Variants in ELOVL5 observed in about 807,000 individuals in gnomAD.
ELOVL5 encodes the protein ELOVL fatty acid elongase 5.
A neutral mutation model predicts 38.6 loss-of-function variants in ELOVL5; 8 were observed. That is an observed-to-expected ratio of 0.21 (90% CI 0.12 to 0.37). The LOEUF (loss-of-function observed/expected upper bound fraction) is 0.37. Ranked by LOEUF, ELOVL5 falls within the 10% of genes least tolerant of loss-of-function variation. The probability of loss-of-function intolerance (pLI) is 1.00; values close to 1 mark genes in which losing one functional copy is unlikely to be tolerated. For synonymous variants in ELOVL5, 127 were observed against 133.7 expected, an observed-to-expected ratio of 0.95 and a Z score of 0.34; for missense variants, 280 against 367.8, an observed-to-expected ratio of 0.76 and a Z score of 1.95.
chr6:53,332,214 A>T (rs146250385), intron 1 of ELOVL5, among the ~76,000 whole-genome samples: 7 of 152,206 alleles, frequency 4.6e-5, no homozygotes, highest in African/African-American at 1.7e-4. Flanking sequence ...ACTCTGTGAA[A>T]TAAGTTGTTA....
chr6:53,269,864 C>T (rs1392307105), intron 7 of ELOVL5, among the ~76,000 whole-genome samples: 1 of 152,208 alleles, frequency 6.6e-6, no homozygotes, highest in East Asian at 1.9e-4. Flanking sequence ...ATGCCACACA[C>T]AGGTGCTTGT....
intron 1 of ELOVL5, among the ~76,000 whole-genome samples, chr6:53,299,408 T>C (rs900392165): frequency 2.0e-5 from 3 of 152,058 alleles, no homozygotes; most frequent in Non-Finnish European, 4.4e-5. Context: ...AAAATACAGA[T>C]TGGTGGGGCA....
chr6:53,305,964 T>G (rs1244670916), intron 1 of ELOVL5, among the ~76,000 whole-genome samples: 1 of 151,570 alleles, frequency 6.6e-6, no homozygotes, highest in East Asian at 2.0e-4. Context: ...CACCTCGGGA[T>G]GCCGAGGCTG....
At chr6:53,314,592 C>G (rs1338710084) in intron 1 of ELOVL5, among the ~76,000 whole-genome samples, 1 of 152,174 alleles carries the variant, frequency 6.6e-6, no homozygotes, top group Non-Finnish European at 1.5e-5. Context: ...GTGGTAGGGA[C>G]AGAGAACCTG....
intron 1 of ELOVL5, among the ~76,000 whole-genome samples, chr6:53,323,913 C>A (rs1768402097): frequency 6.6e-6 from 1 of 152,150 alleles, no homozygotes; most frequent in Non-Finnish European, 1.5e-5. Flanking sequence ...AAGTAACAAG[C>A]TTTTCCCATA....
At chr6:53,298,900 C>T (rs887196730) in intron 1 of ELOVL5, among the ~76,000 whole-genome samples, 5 of 79,404 alleles carry the variant, frequency 6.3e-5, no homozygotes, top group Admixed American at 1.5e-4. Flanking sequence ...GGGGGCAAGG[C>T]GGGGGGGGGG....
intron 2 of ELOVL5, among the ~76,000 whole-genome samples, chr6:53,293,518 A>G (rs949117896): frequency 6.6e-6 from 1 of 152,054 alleles, no homozygotes; most frequent in Admixed American, 6.5e-5. Flanking sequence ...AGGTTTCACC[A>G]TATTGGTCAG....
At chr6:53,298,919 A>G (rs1251143515) in intron 1 of ELOVL5, among the ~76,000 whole-genome samples, 1 of 151,106 alleles carries the variant, frequency 6.6e-6, no homozygotes, top group Non-Finnish European at 1.5e-5. Context: ...GGAGTTGATA[A>G]TATATCAGGA....
chr6:53,282,401 C>G (rs1766394869), intron 3 of ELOVL5, among the ~76,000 whole-genome samples: 1 of 152,218 alleles, frequency 6.6e-6, no homozygotes, highest in Non-Finnish European at 1.5e-5. Flanking sequence ...AGGCCTGGCT[C>G]TGGACAAGCC....
intron 1 of ELOVL5, among the ~76,000 whole-genome samples, chr6:53,333,656 T>C (rs1768903570): frequency 6.6e-6 from 1 of 152,150 alleles, no homozygotes; most frequent in Non-Finnish European, 1.5e-5. Context: ...GAACAAGAAA[T>C]TTAACTGGTC....
chr6:53,297,068 C>T (rs1258801291), intron 1 of ELOVL5, among the ~76,000 whole-genome samples: 1 of 152,156 alleles, frequency 6.6e-6, no homozygotes, highest in Non-Finnish European at 1.5e-5. Context: ...AGGGTTCTGT[C>T]CTGACAGCTT....
chr6:53,324,697 AGAAATAGAATCAG>A, intron 1 of ELOVL5, among the ~76,000 whole-genome samples: 1 of 151,516 alleles, frequency 6.6e-6, no homozygotes, highest in Admixed American at 6.6e-5. Flanking sequence ...AAAAAGGAAA[AGAAATAGAATCAG>A]GAAGGAGGGC....
chr6:53,273,940 C>T (rs905969173), intron 5 of ELOVL5, among the ~76,000 whole-genome samples: 1 of 152,234 alleles, frequency 6.6e-6, no homozygotes, highest in African/African-American at 2.4e-5. Flanking sequence ...TTTCCAGACT[C>T]TGTCCTCCTC....
intron 1 of ELOVL5, among the ~76,000 whole-genome samples, chr6:53,333,746 G>A (rs1289517005): frequency 2.6e-5 from 4 of 152,126 alleles, no homozygotes; most frequent in Non-Finnish European, 5.9e-5. Context: ...TATAATTAAA[G>A]CAGTTTTCAT....
intron 1 of ELOVL5, among the ~76,000 whole-genome samples, chr6:53,317,745 G>A (rs1581972124): frequency 6.6e-6 from 1 of 150,686 alleles, no homozygotes; most frequent in African/African-American, 2.4e-5. Flanking sequence ...GTATACATAT[G>A]TAACAAGCCT....
intron 1 of ELOVL5, among the ~76,000 whole-genome samples, chr6:53,346,306 A>G (rs1393057280): frequency 4.6e-5 from 7 of 152,104 alleles, no homozygotes; most frequent in African/African-American, 1.7e-4. Context: ...TATCCAGTCT[A>G]TCATTGATGG....
chr6:53,278,042 C>CT (rs1561864524), intron 3 of ELOVL5, among the ~76,000 whole-genome samples: 3 of 152,186 alleles, frequency 2.0e-5, no homozygotes, highest in Non-Finnish European at 4.4e-5. Context: ...AAAAGATCCT[C>CT]TTTTTTAAAA....
chr6:53,318,582 T>C (rs968792838), intron 1 of ELOVL5, among the ~76,000 whole-genome samples: 3 of 151,730 alleles, frequency 2.0e-5, no homozygotes, highest in Admixed American at 6.6e-5. Flanking sequence ...CTACAAAAAC[T>C]ACAAAAAATT....
intron 1 of ELOVL5, among the ~76,000 whole-genome samples, chr6:53,338,941 T>C (rs1297306997): frequency 1.3e-5 from 2 of 152,214 alleles, no homozygotes; most frequent in Admixed American, 1.3e-4. Context: ...AAAGATTAGT[T>C]ATGCAACCCC....
Sources: gnomAD v4.1 joint callset for allele counts (sites outside exome capture counted in the v4.1 genomes callset) on GRCh38, gnomAD v4.1.1 for gene constraint, MANE v1.5 for transcripts, NCBI Gene and HGNC (gene_info 2026-07-23, HGNC 2026-07-21) for gene names.